FRAS1: variants seen among roughly 807,000 people sequenced by gnomAD.
The protein encoded by FRAS1 is extracellular matrix organizing protein FRAS1.
FRAS1 carries 290 observed loss-of-function variants against 435.2 expected under a neutral mutation model. The ratio of observed to expected loss-of-function variants is 0.67; its 90% CI spans 0.61 to 0.73. The LOEUF (loss-of-function observed/expected upper bound fraction) is 0.73, where lower values mean the gene tolerates loss of function less well. Ranked by LOEUF, FRAS1 falls within the 30% of genes least tolerant of loss-of-function variation. FRAS1 has a pLI of 0.00. For missense variants in FRAS1, 4,860 were observed against 5,001.5 expected, an observed-to-expected ratio of 0.97 and a Z score of 0.85; for synonymous variants, 1,800 against 1,851.0, an observed-to-expected ratio of 0.97 and a Z score of 0.71.
intron 2 of FRAS1, among the ~76,000 whole-genome samples, chr4:78,141,801 G>A (rs1720197911): frequency 6.6e-6 from 1 of 152,176 alleles, no homozygotes; most frequent in Non-Finnish European, 1.5e-5. Context: ...ATACTACACA[G>A]CCATAAAAAG....
At chr4:78,415,302 G>T (rs556935584) in intron 32 of FRAS1, among the ~76,000 whole-genome samples, 2 of 152,060 alleles carry the variant, frequency 1.3e-5, no homozygotes, top group South Asian at 2.1e-4. Context: ...AAAATCTCAC[G>T]CATCACAACT....
intron 32 of FRAS1, among the ~76,000 whole-genome samples, chr4:78,414,480 C>T (rs1210719264): frequency 6.6e-6 from 1 of 152,162 alleles, no homozygotes; most frequent in East Asian, 1.9e-4. Context: ...TGTGATTAGT[C>T]TACTCGTACG....
In FRAS1 at chr4:78,278,970, C is replaced by T. The variant is rs1204660056; in HGVS notation, c.1071+226C>T. 3.9e-5 allele frequency among the ~76,000 whole-genome samples: 6 copies of T among 152,142 alleles called. No homozygotes were observed. The South Asian group carries it at 1.0e-3, about 26-fold the overall frequency. ...AGTATAGGGACACAGAAAACACACA[C>T]ACACATCTCCCACACATACTACACA... is the stretch of plus-strand genomic sequence containing the variant. On this transcript the variant is annotated intron_variant, in intron 10 of 73. Coordinates refer to ENST00000512123, the MANE Select transcript of FRAS1 (RefSeq NM_025074.7).
chr4:78,213,985 G>A (rs1247654250), intron 2 of FRAS1, among the ~76,000 whole-genome samples: 38 of 152,174 alleles, frequency 2.5e-4, no homozygotes, highest in Non-Finnish European at 1.9e-4. Context: ...ATTTATGGTT[G>A]CCGCTGAATT....
At chr4:78,362,108 TC>T (rs1457783466) in intron 20 of FRAS1, among the ~76,000 whole-genome samples, 1 of 152,172 alleles carries the variant, frequency 6.6e-6, no homozygotes, top group African/African-American at 2.4e-5. Context: ...ATAGCTTTAA[TC>T]CCAACTGGTA....
At chr4:78,477,486 T>C (rs1417897836) in intron 54 of FRAS1, among the ~76,000 whole-genome samples, 1 of 152,162 alleles carries the variant, frequency 6.6e-6, no homozygotes, top group African/African-American at 2.4e-5. Flanking sequence ...AACTGAGTCA[T>C]CAAATGATGA....
intron 31 of FRAS1, among the ~76,000 whole-genome samples, chr4:78,410,093 A>C (rs1185853594): frequency 6.6e-6 from 1 of 152,216 alleles, no homozygotes. Flanking sequence ...AGTCAGAATG[A>C]AGGCAAAGAC....
At chr4:78,482,207 GA>G (rs1720031915) in intron 57 of FRAS1, among the ~76,000 whole-genome samples, 180 bp from the exon 58 acceptor site, 1 of 152,154 alleles carries the variant, frequency 6.6e-6, no homozygotes, top group Non-Finnish European at 1.5e-5. Context: ...ATACTCATTT[GA>G]TATAAACATC....
intron 2 of FRAS1, among the ~76,000 whole-genome samples, chr4:78,105,319 A>C (rs767650730): frequency 9.2e-5 from 14 of 152,198 alleles, no homozygotes; most frequent in Non-Finnish European, 1.8e-4. Flanking sequence ...AAGGAGATTA[A>C]GAGGGATGGA....
intron 2 of FRAS1, among the ~76,000 whole-genome samples, chr4:78,077,339 C>T (rs1340116633): frequency 1.3e-5 from 2 of 152,152 alleles, no homozygotes; most frequent in African/African-American, 4.8e-5. Flanking sequence ...CACTGCACTC[C>T]AGCCTGGGTG....
Position 78,363,603 on chromosome 4 carries a change from T to G in FRAS1, c.2513T>G (p.Leu838Arg), listed in dbSNP as rs1578274964. ...TGCCAGAATGCCCACTACCTGCTGC[T>G]CGGGGACCACTGTGTTCCTGACTGC... is the stretch of plus-strand genomic sequence containing the variant. ...LRCQNAHYLL[L>R]GDHCVPDCPS... The change falls in exon 21 of 74, where the codon CTC (leucine) becomes CGC (arginine). Residue 838 changes from leucine to arginine, a missense_variant. Transcript: ENST00000512123. The G allele has an allele frequency of 1.2e-6, 2 of 1,609,054 alleles. No homozygotes were observed. Among genetic ancestry groups the G allele is most frequent in the Non-Finnish European group, 1.7e-6 (2 of 1,177,738 alleles).
chr4:78,526,691 G>T, intron 70 of FRAS1, 34 bp downstream of exon 70: 2 of 1,329,610 alleles, frequency 1.5e-6, no homozygotes, highest in South Asian at 2.9e-5. Context: ...ATTATTTGTT[G>T]ATTCCTTATT....
chr4:78,252,132 G>A (rs532589043), intron 4 of FRAS1, among the ~76,000 whole-genome samples: 1 of 152,068 alleles, frequency 6.6e-6, no homozygotes, highest in South Asian at 2.1e-4. Context: ...TTTTCTTTTT[G>A]TATTTTGTAT....
chr4:78,364,893 C>T (rs1292381589), intron 22 of FRAS1, among the ~76,000 whole-genome samples: 1 of 152,190 alleles, frequency 6.6e-6, no homozygotes, highest in Non-Finnish European at 1.5e-5. Context: ...GGAGAGTGGG[C>T]TCTAGAGTCA....
chr4:78,233,719 A>G (rs146653358), intron 2 of FRAS1, among the ~76,000 whole-genome samples: 24 of 152,346 alleles, frequency 1.6e-4, no homozygotes, highest in African/African-American at 5.5e-4. Flanking sequence ...CTGGGCATAG[A>G]CATGTTAACT....
chr4:78,183,923 G>A lies in FRAS1; in HGVS notation c.109-53587G>A, dbSNP rs1009759943. On this transcript the variant is annotated intron_variant, in intron 2 of 73. Transcript: ENST00000512123. ...AGATAGTGTTGGGGAAAGGGAAGTA[G>A]CATTTATTTAGTGCTTATTATGCTC... 9.9e-5 allele frequency among the ~76,000 whole-genome samples: 15 copies of A among 152,190 alleles called. No homozygotes were observed. In the East Asian group the frequency reaches 1.2e-3, roughly 12 times the overall value.
chr4:78,240,425 G>A (rs919451667), intron 3 of FRAS1, among the ~76,000 whole-genome samples: 11 of 152,098 alleles, frequency 7.2e-5, no homozygotes, highest in Non-Finnish European at 1.3e-4. Flanking sequence ...AGGTAGGAGG[G>A]TGACAGAAAG....
At position 78,402,965 on chromosome 4, in the gene FRAS1, C is replaced by T. The variant is rs189574466; in HGVS notation, c.4129+2078C>T. ...CATCAGGAGGTACATAATCTCACTG[C>T]GTCTTATGACAGGTGATGTTAACTT... On this transcript the variant is annotated intron_variant, in intron 30 of 73. Transcript: ENST00000512123. 1.8e-3 allele frequency among the ~76,000 whole-genome samples: 267 copies of T among 152,248 alleles called. 1 individual carries two copies. Among genetic ancestry groups the T allele is most frequent in the African/African-American group, 5.9e-3 (247 of 41,556 alleles).
intron 70 of FRAS1, 33 bp from the exon 71 acceptor site, chr4:78,534,416 C>G (rs762142973): frequency 6.3e-7 from 1 of 1,598,002 alleles, no homozygotes; most frequent in Admixed American, 1.7e-5. Context: ...TGACCCTGCT[C>G]TCAAAGAGCT....
Sources: gnomAD v4.1 joint callset for allele counts (sites outside exome capture counted in the v4.1 genomes callset) on GRCh38, gnomAD v4.1.1 for gene constraint, MANE v1.5 for transcripts, NCBI Gene and HGNC (gene_info 2026-07-23, HGNC 2026-07-21) for gene names.